Variants in JAML observed in about 807,000 individuals in gnomAD.
The protein encoded by JAML is junction adhesion molecule like, also known as junctional adhesion molecule-like.
A neutral mutation model predicts 39.3 loss-of-function variants in JAML; 25 were observed. The observed-to-expected ratio is 0.64, with a 90% CI of 0.46 to 0.89. The LOEUF is 0.89. Among genes scored for constraint, JAML ranks in the 40% least tolerant of loss-of-function variants. The pLI is 0.00. For missense variants in JAML, 440 were observed against 486.9 expected (o/e 0.90, Z 0.91); for synonymous variants, 162 against 179.2 (o/e 0.90, Z 0.77).
chr11:118,199,689 TATTA>T (rs1187675948), intron 7 of JAML, among the ~76,000 whole-genome samples: 4 of 73,938 alleles, frequency 5.4e-5, no homozygotes, highest in Admixed American at 1.6e-4. Flanking sequence ...TTATTATTAT[TATTA>T]TTTTTTTTTT....
chr11:118,210,522 G>T lies in JAML; in HGVS notation c.389C>A (p.Ala130Glu). Residue 130 changes from alanine (A) to glutamate (E), a missense_variant, in exon 4 of 10, where the codon GCG becomes GAG. Coordinates refer to ENST00000356289, the MANE Select transcript of JAML (RefSeq NM_001098526.2). ...CTCTGGAAGCACATGCAGTACCACCGCCTTCTTGAACACCTGGCTCTCCCC... is the reference window on the plus strand; with the variant it reads ...CTCTGGAAGCACATGCAGTACCACCTCCTTCTTGAACACCTGGCTCTCCCC... ...LKGESQVFKK[A>E]VVLHVLPEEP... is the part of the protein sequence containing the mutation. The T allele has an allele frequency of 1.2e-6, 2 of 1,614,064 alleles. No individual in the cohort carries two copies. Among genetic ancestry groups the T allele is most frequent in the East Asian group, 2.2e-5 (1 of 44,878 alleles).
chr11:118,199,951 C>T (rs1948743189), intron 7 of JAML, among the ~76,000 whole-genome samples: 1 of 152,062 alleles, frequency 6.6e-6, no homozygotes, highest in Admixed American at 6.6e-5. Context: ...CCGCCTTGGC[C>T]TCTCAAAGTG....
chr11:118,194,789 CA>C (rs1948619382), intron 9 of JAML, among the ~76,000 whole-genome samples: 2 of 152,190 alleles, frequency 1.3e-5, no homozygotes, highest in African/African-American at 4.8e-5. Context: ...CAACAAAAAA[CA>C]AAGGCTCTTT....
chr11:118,217,983 A>G (rs1422611475), intron 1 of JAML, among the ~76,000 whole-genome samples: 1 of 152,252 alleles, frequency 6.6e-6, no homozygotes. Context: ...CACCTTGCTC[A>G]GGCCTTCACC....
At chr11:118,203,069 G>A (rs1211792776) in intron 6 of JAML, 5 of 475,960 alleles carry the variant, frequency 1.1e-5, no homozygotes, top group Admixed American at 7.0e-5. Flanking sequence ...CACCTCCCTT[G>A]AAACCAAGTA....
At chr11:118,203,328 T>G (rs1380485271) in intron 6 of JAML, 100 bp downstream of exon 6, 5 of 1,088,392 alleles carry the variant, frequency 4.6e-6, no homozygotes, top group Non-Finnish European at 7.0e-6. Context: ...GATGCCTCCT[T>G]CAATTTTGCA....
chr11:118,212,351 TC>T, intron 3 of JAML, 55 bp downstream of exon 3: 1 of 1,590,498 alleles, frequency 6.3e-7, no homozygotes, highest in Non-Finnish European at 8.6e-7. Flanking sequence ...CACCACTCTG[TC>T]CTGACACCAG....
At chr11:118,202,909 A>C (rs906110458) in intron 6 of JAML, 8 of 455,786 alleles carry the variant, frequency 1.8e-5, no homozygotes, top group Non-Finnish European at 3.1e-5. Context: ...CCTACACAGC[A>C]CTGGCCTTGA....
intron 9 of JAML, among the ~76,000 whole-genome samples, chr11:118,195,452 A>G (rs55709553): frequency 0.029 from 4,434 of 152,108 alleles, 244 homozygotes; most frequent in African/African-American, 0.1. Context: ...CCAAACCCAC[A>G]GAACACTGCT....
intron 2 of JAML, among the ~76,000 whole-genome samples, chr11:118,214,468 C>T (rs1949114600): frequency 6.6e-6 from 1 of 152,186 alleles, no homozygotes; most frequent in Admixed American, 6.5e-5. Context: ...CTCTGGGTCT[C>T]TCTTTGGTAA....
At chr11:118,206,026 G>A (rs748510001) in intron 4 of JAML, 35 bp from the exon 5 acceptor site, 11 of 1,546,414 alleles carry the variant, frequency 7.1e-6, no homozygotes, top group Admixed American at 1.7e-5. Context: ...TCAGACTCAA[G>A]TTATAATCTA....
At position 118,194,045 on chromosome 11, in the gene JAML, AC is replaced by A. The variant is rs1948600223; in HGVS notation, c.*279del. On this transcript the variant is annotated 3_prime_UTR_variant, in exon 10 of 10. Coordinates refer to ENST00000356289, the MANE Select transcript of JAML (RefSeq NM_001098526.2). ...CCTGCCCACAGGAGGGTCTGATCCA[AC>A]GGGGGGTTTGAGGCCACTCAGCTCA... 1 of 389,924 alleles carries A rather than the reference AC, an allele frequency of 2.6e-6. No homozygotes were observed. Among genetic ancestry groups the A allele is most frequent in the African/African-American group, 2.0e-5 (1 of 49,470 alleles). 24.2% of individuals were successfully genotyped at this position (389,924 alleles called of 1,614,324 possible).
intron 1 of JAML, among the ~76,000 whole-genome samples, chr11:118,217,928 T>C (rs1428092122): frequency 6.6e-6 from 1 of 152,238 alleles, no homozygotes; most frequent in Admixed American, 6.5e-5. Flanking sequence ...TTTATTTGTC[T>C]AAACAAGATT....
At chr11:118,212,781 T>C in intron 2 of JAML, 1 of 1,595,688 alleles carries the variant, frequency 6.3e-7, no homozygotes. Flanking sequence ...CAATAAATGC[T>C]ATCTGGCTCC....
chr11:118,213,165 C>T (rs1049230470), intron 2 of JAML: 2 of 1,401,034 alleles, frequency 1.4e-6, no homozygotes, highest in Non-Finnish European at 1.9e-6. Context: ...GCTTTCCAGC[C>T]TCTAGGTGCT....
At chr11:118,220,641 G>A (rs1219423994) in intron 1 of JAML, among the ~76,000 whole-genome samples, 1 of 152,208 alleles carries the variant, frequency 6.6e-6, no homozygotes, top group East Asian at 1.9e-4. Flanking sequence ...GGAGGCCAGG[G>A]CTAAGGAGAA....
intron 4 of JAML, among the ~76,000 whole-genome samples, chr11:118,209,698 ATTT>A (rs35344617): frequency 6.7e-6 from 1 of 149,696 alleles, no homozygotes; most frequent in Non-Finnish European, 1.5e-5. Context: ...TATTATTATT[ATTT>A]TTTTTTTATT....
rs1183163375 is a variant in JAML at position 118,203,440 on chromosome 11, C to T, written c.760G>A (p.Glu254Lys). 1 of 1,614,148 alleles carries T rather than the reference C, an allele frequency of 6.2e-7. No individual in the cohort carries two copies. The highest frequency in any genetic ancestry group is 8.5e-7 in the Non-Finnish European group (1 of 1,179,976). The stretch of plus-strand genomic sequence containing the variant: ...AAATGTTAGATACTTCGAGGCTCTT[C>T]CGGGCTGACATGCAGCACAATGGTT... ...KKTIVLHVSP[E>K]EPRTLVTPAA... Residue 254 changes from glutamate to lysine, a missense_variant, in exon 6 of 10, where the codon GAA becomes AAA. Transcript: ENST00000356289.
chr11:118,212,305 C>G lies in JAML; in HGVS notation c.198+102G>C, dbSNP rs1231662786. On this transcript the variant is annotated intron_variant, in intron 3 of 9. Coordinates refer to ENST00000356289, the MANE Select transcript of JAML (RefSeq NM_001098526.2). ...ATAATCTCCAAAGCCCCGGCTCTTG[C>G]AACACCTCCTGGTGGCACCTGATGC... 4 of 1,430,662 alleles carry G rather than the reference C, an allele frequency of 2.8e-6. No individual in the cohort carries two copies. The African/African-American group carries it at 5.7e-5, about 20-fold the overall frequency. The allele number at this position is 1,430,662 out of a possible 1,614,324, so 88.6% of individuals were successfully genotyped here.
Sources: allele counts gnomAD v4.1 joint callset (sites outside exome capture counted in the v4.1 genomes callset), GRCh38; gene constraint gnomAD v4.1.1; transcripts MANE v1.5; gene names NCBI Gene and HGNC (gene_info 2026-07-23, HGNC 2026-07-21).